The following SELENOV variants were observed in gnomAD, a reference collection of about 807,000 sequenced individuals.
The protein encoded by SELENOV is selenoprotein V.
Under a neutral mutation model 21.6 loss-of-function variants are expected in SELENOV, and 25 were observed. The ratio of observed to expected loss-of-function variants is 1.16; its 90% CI spans 0.84 to 1.62. SELENOV has a LOEUF of 1.62. Ranked by LOEUF, SELENOV falls within the 40% of genes most tolerant of loss-of-function variation. SELENOV has a pLI of 0.00. For missense variants in SELENOV, 472 were observed against 459.0 expected (o/e 1.03, Z -0.26); for synonymous variants, 227 against 216.9 (o/e 1.05, Z -0.41).
rs1365098387 is a variant in SELENOV at position 39,518,813 on chromosome 19, G to C, written c.888+20G>C. 5 of 1,613,310 alleles carry C rather than the reference G, an allele frequency of 3.1e-6. No homozygotes were observed. The highest frequency in any genetic ancestry group is 2.7e-5 in the African/African-American group (2 of 74,890). On this transcript the variant is annotated intron_variant, in intron 3 of 5. Transcript: ENST00000335426. ...CTCTTTGTAAGTGTGTGGGGGTCCTGGGGGAGAGGGGGGTGGTCAGGGATC... is the reference window on the plus strand; with the variant it reads ...CTCTTTGTAAGTGTGTGGGGGTCCTCGGGGAGAGGGGGGTGGTCAGGGATC...
At chr19:39,516,705 T>G (rs1449852722) in intron 1 of SELENOV, among the ~76,000 whole-genome samples, 1 of 150,590 alleles carries the variant, frequency 6.6e-6, no homozygotes, top group Non-Finnish European at 1.5e-5. Context: ...TTTTTTTTTT[T>G]TTTTTTTGAG....
At position 39,515,129 on chromosome 19, in the gene SELENOV, C is replaced by A; in HGVS notation, c.-84C>A. 1.2e-6 allele frequency: 1 copy of A among 857,260 alleles called. No individual in the cohort carries two copies. The highest frequency in any genetic ancestry group is 1.8e-6 in the Non-Finnish European group (1 of 555,264). 53.1% of individuals were successfully genotyped at this position (857,260 alleles called of 1,614,324 possible). On this transcript the variant is annotated 5_prime_UTR_variant, in exon 1 of 6. Coordinates refer to ENST00000335426, the Ensembl canonical transcript of SELENOV. The surrounding 1 kb of genome is among the most constrained non-coding windows in gnomAD (Gnocchi z 5.1). ...CAGTGGTCGCGCCGCGTCTCAGAAC[C>A]CGGTGCGGGAGACGCTCTCCCCGCC...
At chr19:39,517,374 C>T (rs563705977) in intron 1 of SELENOV, among the ~76,000 whole-genome samples, 17 of 152,240 alleles carry the variant, frequency 1.1e-4, no homozygotes, top group South Asian at 1.0e-3. Flanking sequence ...TGAACAAGAC[C>T]GAGATCCCCG....
chr19:39,518,584 TCTC>T, intron 1 of SELENOV, 21 bp from the exon 2 acceptor site: 1 of 1,589,618 alleles, frequency 6.3e-7, no homozygotes. Flanking sequence ...CTCTTAACTT[TCTC>T]CTCCTGCTCT....
Position 39,515,135 on chromosome 19 carries a change from C to A in SELENOV, c.-78C>A. The A allele has an allele frequency of 1.1e-6, 1 of 889,882 alleles. No individual in the cohort carries two copies. Among genetic ancestry groups the A allele is most frequent in the Non-Finnish European group, 1.7e-6 (1 of 581,422 alleles). The allele number at this position is 889,882 out of a possible 1,614,324, so 55.1% of individuals were successfully genotyped here. On this transcript the variant is annotated 5_prime_UTR_variant, in exon 1 of 6. Transcript: ENST00000335426. This position sits in a 1 kb window ranked among gnomAD's most constrained non-coding sequence, Gnocchi z 5.1. ...TCGCGCCGCGTCTCAGAACCCGGTG[C>A]GGGAGACGCTCTCCCCGCCCAAAGA...
intron 1 of SELENOV, chr19:39,518,367 T>C: frequency 3.4e-6 from 2 of 581,684 alleles, no homozygotes; most frequent in East Asian, 5.7e-5. Flanking sequence ...GTGAATGAAT[T>C]GGGGAGAAGT....
At chr19:39,517,991 A>AAAAAAAAAAAAG (rs374863818) in intron 1 of SELENOV, among the ~76,000 whole-genome samples, 1,400 of 91,992 alleles carry the variant, frequency 0.015, 199 homozygotes, top group African/African-American at 0.023. Context: ...AAAAAAAAAA[A>AAAAAAAAAAAAG]GCCCAGCGCG....
At chr19:39,520,021 C>T (rs1267583879) in intron 5 of SELENOV, 125 bp from the exon 6 acceptor site, 1 of 150,228 alleles carries the variant, frequency 6.7e-6, no homozygotes, top group African/African-American at 2.5e-5. Context: ...CTAGAATGGG[C>T]ATTGTAGTCC....
In SELENOV at chr19:39,519,069, A is replaced by G. The variant is rs768005347; in HGVS notation, c.964-2A>G. The stretch of plus-strand genomic sequence containing the variant: ...TGTGTGCTTTCTTCCCTCTGTGCCC[A>G]GAGGGGTGATGGCTTTGTGAACGAG... On this transcript the variant is annotated splice_acceptor_variant, in intron 4 of 5. Coordinates refer to ENST00000335426, the Ensembl canonical transcript of SELENOV. LOFTEE classifies it high-confidence loss of function. 1 of 1,613,808 alleles carries G rather than the reference A, an allele frequency of 6.2e-7. No homozygotes were observed. The highest frequency in any genetic ancestry group is 1.3e-5 in the African/African-American group (1 of 74,986).
In SELENOV at chr19:39,518,564, C is replaced by T. The variant is rs1391859124; in HGVS notation, c.810-44C>T. The T allele has an allele frequency of 5.1e-6, 8 of 1,572,390 alleles. 1 individual carries two copies. Among genetic ancestry groups the T allele is most frequent in the African/African-American group, 2.7e-5 (2 of 74,204 alleles). On this transcript the variant is annotated intron_variant, in intron 1 of 5. Coordinates refer to ENST00000335426, the Ensembl canonical transcript of SELENOV. ...GGGAAGATACTGATGCGGTGTCTTC[C>T]CTGGTCTCTCTCTTAACTTTCTCCT...
Position 39,515,983 on chromosome 19 carries a change from C to G in SELENOV, c.771C>G (p.Phe257Leu). The change falls in exon 1 of 6, where the codon TTC (phenylalanine) becomes TTG (leucine). Residue 257 changes from phenylalanine (F) to leucine (L), a missense_variant. Transcript: ENST00000335426. This position sits in a 1 kb window ranked among gnomAD's most constrained non-coding sequence, Gnocchi z 5.1. ...CCTTCCCCTCCTCCAGCGAGAACTT[C>G]GCGCTGGACAAGAGGGTCCTGATTC... The G allele has an allele frequency of 6.2e-7, 1 of 1,604,170 alleles. No homozygotes were observed. Among genetic ancestry groups the G allele is most frequent in the East Asian group, 2.2e-5 (1 of 44,538 alleles).
Position 39,515,948 on chromosome 19 carries a change from T to C in SELENOV, c.736T>C (p.Cys246Arg). The change falls in exon 1 of 6, where the codon TGT (cysteine) becomes CGT (arginine). Residue 246 changes from cysteine to arginine, a missense_variant. Cys to Arg is a radical substitution (Grantham distance 180). Transcript: ENST00000335426. This position sits in a 1 kb window ranked among gnomAD's most constrained non-coding sequence, Gnocchi z 5.1. ...CCCGTCGGCCATCTCCTTACAGAAT[T>C]GTACGGAAACCTTCCCCTCCTCCAG... The C allele has an allele frequency of 6.2e-7, 1 of 1,608,362 alleles. No individual in the cohort carries two copies. The highest frequency in any genetic ancestry group is 8.5e-7 in the Non-Finnish European group (1 of 1,177,978).
chr19:39,515,124 A>G lies in SELENOV; in HGVS notation c.-89A>G. On this transcript the variant is annotated 5_prime_UTR_variant, in exon 1 of 6. Coordinates refer to ENST00000335426, the Ensembl canonical transcript of SELENOV. The surrounding 1 kb of genome is among the most constrained non-coding windows in gnomAD (Gnocchi z 5.1). ...GCCCCCAGTGGTCGCGCCGCGTCTC[A>G]GAACCCGGTGCGGGAGACGCTCTCC... 1 of 835,094 alleles carries G rather than the reference A, an allele frequency of 1.2e-6. No homozygotes were observed. Among genetic ancestry groups the G allele is most frequent in the South Asian group, 1.7e-5 (1 of 60,064 alleles). The allele number at this position is 835,094 out of a possible 1,614,324, so 51.7% of individuals were successfully genotyped here.
rs1161209830 is a variant in SELENOV at position 39,515,727 on chromosome 19, C to T, written c.515C>T (p.Ala172Val). The T allele has an allele frequency of 6.5e-7, 1 of 1,549,380 alleles. No homozygotes were observed. The highest frequency in any genetic ancestry group is 2.0e-5 in the Admixed American group (1 of 50,952). The change falls in exon 1 of 6, where the codon GCG becomes GTG. Residue 172 changes from alanine (A) to valine (V), a missense_variant. By Grantham distance (64) the Ala-to-Val change is moderately conservative (BLOSUM62 0). Coordinates refer to ENST00000335426, the Ensembl canonical transcript of SELENOV. The surrounding 1 kb of genome is among the most constrained non-coding windows in gnomAD (Gnocchi z 5.1). Reference sequence around the variant, plus strand: ...TTGCCCGAGGAGGACCCTGAGCCGGCGCCGAGCCTGAAGCTCATCCCGTCG... The same window carrying T: ...TTGCCCGAGGAGGACCCTGAGCCGGTGCCGAGCCTGAAGCTCATCCCGTCG...
chr19:39,517,330 G>C lies in SELENOV; in HGVS notation c.810-1278G>C, dbSNP rs540115521. Reference sequence around the variant, plus strand: ...CAACTACTTCTTCACCACCCACCATGTTCCAGGTCCTATTGGCATCAGGGA... The same window carrying C: ...CAACTACTTCTTCACCACCCACCATCTTCCAGGTCCTATTGGCATCAGGGA... On this transcript the variant is annotated intron_variant, in intron 1 of 5. Transcript: ENST00000335426. 1.1e-4 allele frequency among the ~76,000 whole-genome samples: 17 copies of C among 152,194 alleles called. No individual in the cohort carries two copies. The South Asian group carries it at 1.2e-3, about 11-fold the overall frequency.
chr19:39,518,950 G>C, exon 4 of SELENOV: 1 of 1,613,826 alleles, frequency 6.2e-7, no homozygotes, highest in African/African-American at 1.3e-5. Context: ...AGGTGTTTGT[G>C]AACGGGAGAC....
chr19:39,515,908 C>T lies in SELENOV; in HGVS notation c.696C>T (p.Pro232=), dbSNP rs761873640. ...CCATTCCCAGTCCTGTCCCCTCGCC[C>T]ATCCTGGGGACCATCCCGTCGGCCA... Residue 232 remains proline (P), a synonymous_variant, in exon 1 of 6, where the codon CCC becomes CCT. Coordinates refer to ENST00000335426, the Ensembl canonical transcript of SELENOV. This position sits in a 1 kb window ranked among gnomAD's most constrained non-coding sequence, Gnocchi z 5.1. The T allele has an allele frequency of 4.8e-5, 77 of 1,595,184 alleles. No homozygotes were observed. In the East Asian group the frequency reaches 1.4e-3, roughly 30 times the overall value.
At chr19:39,518,436 G>C in intron 1 of SELENOV, 172 bp from the exon 2 acceptor site, 1 of 671,170 alleles carries the variant, frequency 1.5e-6, no homozygotes. Flanking sequence ...TGCAGGCCAC[G>C]GGAAGGACTG....
At chr19:39,519,003 A>T (rs768325472) in intron 4 of SELENOV, 26 bp downstream of exon 4, 1 of 1,612,942 alleles carries the variant, frequency 6.2e-7, no homozygotes, top group South Asian at 1.1e-5. Context: ...GGTCCGGGAC[A>T]GGGAGGTGGG....
Sources: allele counts gnomAD v4.1 joint callset (sites outside exome capture counted in the v4.1 genomes callset), GRCh38; gene constraint gnomAD v4.1.1; non-coding constraint Gnocchi (gnomAD v3.1); transcripts MANE v1.5; gene names NCBI Gene and HGNC (gene_info 2026-07-23, HGNC 2026-07-21).